The following ARHGEF28 variants were observed in gnomAD, a reference collection of about 807,000 sequenced individuals.
ARHGEF28 encodes Rho guanine nucleotide exchange factor 28, also known as 190 kDa guanine nucleotide exchange factor.
A neutral mutation model predicts 206.6 loss-of-function variants in ARHGEF28; 152 were observed. That is an observed-to-expected ratio of 0.74 (90% CI 0.64 to 0.84). The LOEUF is 0.84. ARHGEF28 is among the 40% of genes least tolerant of loss of function. ARHGEF28 has a pLI of 0.00. For synonymous variants in ARHGEF28, 763 were observed against 776.4 expected (o/e 0.98, Z 0.29); for missense variants, 2,028 against 2,073.2 (o/e 0.98, Z 0.42).
intron 9 of ARHGEF28, among the ~76,000 whole-genome samples, chr5:73,829,660 G>C (rs1473552871): frequency 6.6e-6 from 1 of 152,082 alleles, no homozygotes; most frequent in Admixed American, 6.6e-5. Flanking sequence ...GATTACAGGC[G>C]TGAGCCACCG....
At chr5:73,659,775 G>T (rs1227527464) in intron 1 of ARHGEF28, among the ~76,000 whole-genome samples, 1 of 152,114 alleles carries the variant, frequency 6.6e-6, no homozygotes, top group Non-Finnish European at 1.5e-5. Flanking sequence ...TAAAATTTAT[G>T]TTTAAATTAT....
At position 73,716,395 on chromosome 5, in the gene ARHGEF28, C is replaced by T. The variant is rs115805132; in HGVS notation, c.33+31511C>T. On this transcript the variant is annotated intron_variant, in intron 2 of 35. Coordinates refer to ENST00000513042, the MANE Select transcript of ARHGEF28 (RefSeq NM_001177693.2). ...GTAGGTTTCTTCACCTGTTACATAG[C>T]CTGTTGTGGCCTGGATTTTGCTTAT... is the stretch of plus-strand genomic sequence containing the variant. Among the ~76,000 whole-genome samples the T allele has an allele frequency of 3.7e-3, 570 of 152,298 alleles. 1 individual carries two copies. Among genetic ancestry groups the T allele is most frequent in the Non-Finnish European group, 6.1e-3 (417 of 68,022 alleles).
At chr5:73,918,302 A>C (rs761256466) in intron 35 of ARHGEF28, among the ~76,000 whole-genome samples, 9 of 152,234 alleles carry the variant, frequency 5.9e-5, no homozygotes, top group Non-Finnish European at 1.0e-4. Context: ...GTAAATAATA[A>C]GTTTAGCTGT....
intron 26 of ARHGEF28, 56 bp from the exon 27 acceptor site, chr5:73,891,996 G>A (rs1761671358): frequency 3.3e-6 from 5 of 1,497,708 alleles, no homozygotes; most frequent in Admixed American, 4.1e-5. Flanking sequence ...ATGTTTTACG[G>A]AGCCTTACTT....
intron 2 of ARHGEF28, among the ~76,000 whole-genome samples, chr5:73,748,031 A>G (rs1207399573): frequency 1.3e-5 from 2 of 152,046 alleles, no homozygotes; most frequent in Non-Finnish European, 2.9e-5. Flanking sequence ...TTTTTTATTT[A>G]AAAAAAATCA....
At chr5:73,816,205 G>T (rs548420644) in intron 9 of ARHGEF28, among the ~76,000 whole-genome samples, 1 of 152,204 alleles carries the variant, frequency 6.6e-6, no homozygotes, top group African/African-American at 2.4e-5. Flanking sequence ...TTAACATGGG[G>T]ACCCATCTCC....
intron 2 of ARHGEF28, among the ~76,000 whole-genome samples, chr5:73,713,114 T>C (rs1749351774): frequency 6.6e-6 from 1 of 152,184 alleles, no homozygotes; most frequent in South Asian, 2.1e-4. Flanking sequence ...AATGAAGTAT[T>C]TGAGGCAGTC....
At chr5:73,906,969 T>A (rs532493677) in intron 33 of ARHGEF28, among the ~76,000 whole-genome samples, 1 of 152,272 alleles carries the variant, frequency 6.6e-6, no homozygotes, top group South Asian at 2.1e-4. Context: ...ATATTATGGC[T>A]ATTTGTCAAT....
At chr5:73,831,334 G>A (rs1202898240) in intron 9 of ARHGEF28, among the ~76,000 whole-genome samples, 4 of 152,168 alleles carry the variant, frequency 2.6e-5, no homozygotes, top group Admixed American at 6.5e-5. Flanking sequence ...GTTCTAGCTC[G>A]AATGTGTTTT....
chr5:73,761,554 T>A (rs1416310522), intron 4 of ARHGEF28, among the ~76,000 whole-genome samples: 1 of 152,142 alleles, frequency 6.6e-6, no homozygotes, highest in Non-Finnish European at 1.5e-5. Context: ...CCAGTGTTGT[T>A]TAAGAGGCCT....
intron 14 of ARHGEF28, among the ~76,000 whole-genome samples, chr5:73,856,240 A>G (rs1423144009): frequency 6.6e-6 from 1 of 152,216 alleles, no homozygotes; most frequent in Non-Finnish European, 1.5e-5. Context: ...AAATGACTAG[A>G]GGTAGCATGG....
intron 35 of ARHGEF28, among the ~76,000 whole-genome samples, chr5:73,936,732 T>A (rs903584293): frequency 6.6e-6 from 1 of 152,212 alleles, no homozygotes; most frequent in East Asian, 1.9e-4. Context: ...TTATTTTTAC[T>A]TTTATTTTTA....
chr5:73,720,714 A>G (rs55719586), intron 2 of ARHGEF28, among the ~76,000 whole-genome samples: 29,779 of 152,178 alleles, frequency 0.2, 3,112 homozygotes, highest in Non-Finnish European at 0.22. Flanking sequence ...CTGTGCATCC[A>G]GGTCTTCTAG....
chr5:73,940,903 C>G lies in ARHGEF28; in HGVS notation c.5008C>G (p.Gln1670Glu). 1 of 1,534,622 alleles carries G rather than the reference C, an allele frequency of 6.5e-7. No homozygotes were observed. Among genetic ancestry groups the G allele is most frequent in the South Asian group, 1.2e-5 (1 of 83,770 alleles). ...CCATGACTCAAATTCACACCGCCCTCAACTGCAGGCGTTTATAACAGAAGC... is the reference window on the plus strand; with the variant it reads ...CCATGACTCAAATTCACACCGCCCTGAACTGCAGGCGTTTATAACAGAAGC... ...TPHDSNSHRP[Q>E]LQAFITEAKL... The change falls in exon 36 of 36, where the codon CAA becomes GAA. Residue 1670 changes from glutamine (Q) to glutamate (E), a missense_variant. Transcript: ENST00000513042.
At chr5:73,672,862 A>G (rs1746434515) in intron 1 of ARHGEF28, among the ~76,000 whole-genome samples, 1 of 152,232 alleles carries the variant, frequency 6.6e-6, no homozygotes, top group Non-Finnish European at 1.5e-5. Context: ...GTTAGCAGCT[A>G]GCTTGTGCTC....
At chr5:73,677,169 C>T (rs903190556) in intron 1 of ARHGEF28, among the ~76,000 whole-genome samples, 2 of 152,096 alleles carry the variant, frequency 1.3e-5, no homozygotes, top group African/African-American at 2.4e-5. Flanking sequence ...CAGTTGCTTG[C>T]GTAAGCTTTA....
chr5:73,806,407 GATATAT>G (rs1203197671), intron 9 of ARHGEF28, among the ~76,000 whole-genome samples: 1 of 122,638 alleles, frequency 8.2e-6, no homozygotes, highest in African/African-American at 3.2e-5. Flanking sequence ...TACATATATA[GATATAT>G]AGATATATAC....
intron 30 of ARHGEF28, chr5:73,900,624 C>T (rs1447036399): frequency 6.6e-6 from 1 of 152,184 alleles, no homozygotes; most frequent in Non-Finnish European, 1.5e-5. Flanking sequence ...GAGATAGGGA[C>T]AGGTTCTTGG....
intron 35 of ARHGEF28, 51 bp from the exon 36 acceptor site, chr5:73,940,793 C>T: frequency 7.3e-7 from 1 of 1,378,902 alleles, no homozygotes; most frequent in African/African-American, 1.5e-5. Context: ...AGACATCTGC[C>T]TTGTACATCT....
Sources: gnomAD v4.1 joint callset for allele counts (sites outside exome capture counted in the v4.1 genomes callset) on GRCh38, gnomAD v4.1.1 for gene constraint, MANE v1.5 for transcripts, NCBI Gene and HGNC (gene_info 2026-07-23, HGNC 2026-07-21) for gene names.